Variants in ZNF800 observed in about 807,000 individuals in gnomAD.
The protein encoded by ZNF800 is zinc finger protein 800.
ZNF800 carries 13 observed loss-of-function variants against 59.5 expected under a neutral mutation model. The observed-to-expected ratio is 0.22, with a 90% CI of 0.14 to 0.35. The LOEUF (loss-of-function observed/expected upper bound fraction) is 0.35, where lower values mean the gene tolerates loss of function less well. Ranked by LOEUF, ZNF800 falls within the 10% of genes least tolerant of loss-of-function variation. The pLI, the probability that ZNF800 is intolerant of heterozygous loss-of-function variation, is 1.00. For synonymous variants in ZNF800, 266 were observed against 265.7 expected (o/e 1.00, Z -0.01); for missense variants, 621 against 783.7 (o/e 0.79, Z 2.48).
At chr7:127,352,038 T>C (rs1034730726) in intron 1 of ZNF800, among the ~76,000 whole-genome samples, 1 of 152,144 alleles carries the variant, frequency 6.6e-6, no homozygotes, top group Non-Finnish European at 1.5e-5. Context: ...GTTAAAACAA[T>C]AGCAAGATCA....
At chr7:127,355,460 A>G (rs1291098728) in intron 1 of ZNF800, among the ~76,000 whole-genome samples, 1 of 152,090 alleles carries the variant, frequency 6.6e-6, no homozygotes, top group Non-Finnish European at 1.5e-5. Context: ...CACAAAGGAT[A>G]GAAGTGAAAA....
intron 1 of ZNF800, chr7:127,348,149 C>A (rs915004436): frequency 2.6e-5 from 4 of 152,138 alleles, no homozygotes; most frequent in Middle Eastern, 6.4e-3. Flanking sequence ...GCAAGAGCTG[C>A]AGACCCACGG....
Position 127,371,832 on chromosome 7 carries a change from T to A in ZNF800, c.*-18A>T. The A allele has an allele frequency of 1.3e-6, 1 of 767,636 alleles. No homozygotes were observed. The highest frequency in any genetic ancestry group is 2.4e-6 in the Non-Finnish European group (1 of 412,276). The allele number at this position is 767,636 out of a possible 1,614,324, so 47.6% of individuals were successfully genotyped here. A position where few individuals can be genotyped will look rare whatever the true frequency, so the allele number is the denominator to read the frequency against. On this transcript the variant is annotated intron_variant, in intron 5 of 5. Coordinates refer to ENST00000265827, the MANE Select transcript of ZNF800 (RefSeq NM_176814.5). ...GAAGTTATCTGAGGAGAAATGGGAA[T>A]AAATGAACACTTTTGAGTTTACTAA...
intron 4 of ZNF800, among the ~76,000 whole-genome samples, chr7:127,376,905 A>G (rs915321349): frequency 6.6e-6 from 1 of 151,970 alleles, no homozygotes; most frequent in East Asian, 1.9e-4. Context: ...ACAATATCCA[A>G]TATTTTAATA....
chr7:127,390,197 G>A (rs1411328105), intron 2 of ZNF800, among the ~76,000 whole-genome samples: 2 of 151,984 alleles, frequency 1.3e-5, no homozygotes, highest in Non-Finnish European at 2.9e-5. Flanking sequence ...AGACTAAAAG[G>A]TCAGTGGAAC....
chr7:127,378,649 T>C (rs911367626), intron 3 of ZNF800, among the ~76,000 whole-genome samples: 1 of 152,022 alleles, frequency 6.6e-6, no homozygotes, highest in Non-Finnish European at 1.5e-5. Context: ...TCTGTTTACA[T>C]TTAATCTTTG....
chr7:127,367,239 C>T (rs1204646820), downstream of ZNF800, among the ~76,000 whole-genome samples: 1 of 152,040 alleles, frequency 6.6e-6, no homozygotes, highest in African/African-American at 2.4e-5. Context: ...TTATATCTCC[C>T]ATATTTCCCC....
chr7:127,350,831 T>C (rs1405107389), intron 1 of ZNF800, among the ~76,000 whole-genome samples: 1 of 152,224 alleles, frequency 6.6e-6, no homozygotes, highest in Non-Finnish European at 1.5e-5. Flanking sequence ...AAAACCATGC[T>C]GTGTTGCTGA....
exon 2 of ZNF800, chr7:127,347,363 C>T (rs1489587504): frequency 9.6e-6 from 1 of 104,606 alleles, no homozygotes; most frequent in Non-Finnish European, 1.7e-5. Context: ...TGGCAGATGG[C>T]AATATTTGGG....
At position 127,370,843 on chromosome 7, in the gene ZNF800, T is replaced by A. The variant is rs1800615379; in HGVS notation, c.*971A>T. 6.6e-6 allele frequency: 1 copy of A among 152,500 alleles called. No individual in the cohort carries two copies. Among genetic ancestry groups the A allele is most frequent in the Admixed American group, 6.5e-5 (1 of 15,272 alleles). The allele number at this position is 152,500 out of a possible 1,614,324, so 9.4% of individuals were successfully genotyped here. On this transcript the variant is annotated 3_prime_UTR_variant, in exon 6 of 6. Coordinates refer to ENST00000265827, the MANE Select transcript of ZNF800 (RefSeq NM_176814.5). ...TCTAAATTTTACAGTAGGAATCAAA[T>A]ATTATCTAAAGTGGTCCTTTAAGAT... is the stretch of plus-strand genomic sequence containing the variant.
chr7:127,343,333 A>G (rs1463269516), downstream of ZNF800, among the ~76,000 whole-genome samples: 1 of 151,798 alleles, frequency 6.6e-6, no homozygotes, highest in Non-Finnish European at 1.5e-5. Context: ...AAAGGAAAAA[A>G]GTAACTAAAA....
Position 127,392,361 on chromosome 7 carries a change from G to A in ZNF800, c.-360C>T, listed in dbSNP as rs1587461795. 5.2e-6 allele frequency: 2 copies of A among 382,548 alleles called. No individual in the cohort carries two copies. The highest frequency in any genetic ancestry group is 2.9e-4 in the South Asian group (2 of 6,984). 23.7% of individuals were successfully genotyped at this position (382,548 alleles called of 1,614,324 possible). On this transcript the variant is annotated 5_prime_UTR_variant, in exon 1 of 6. Coordinates refer to ENST00000265827, the MANE Select transcript of ZNF800 (RefSeq NM_176814.5). ...CGCGGGCGGAGGCAGTTGACAGGAG[G>A]AACCGCCCGGCAGCAGCTGCCGCCG...
intron 1 of ZNF800, among the ~76,000 whole-genome samples, chr7:127,355,134 T>C (rs1328960386): frequency 6.6e-6 from 1 of 152,058 alleles, no homozygotes; most frequent in Non-Finnish European, 1.5e-5. Context: ...AAATCACCCA[T>C]ATATCTCCAA....
chr7:127,347,200 A>C (rs1172915330), exon 2 of ZNF800: 1 of 152,436 alleles, frequency 6.6e-6, no homozygotes, highest in African/African-American at 2.4e-5. Flanking sequence ...CTGATTCTGA[A>C]GGGGAGAAAT....
In ZNF800 at chr7:127,377,203, C is replaced by T. The variant is rs1248246061; in HGVS notation, c.284G>A (p.Ser95Asn). ...AAACTTACTGTCATCCATCTGGAGACTTGGTGGGCAGTAGAATTTTTTATG... is the reference window on the plus strand; with the variant it reads ...AAACTTACTGTCATCCATCTGGAGATTTGGTGGGCAGTAGAATTTTTTATG... Reference protein sequence around the residue: ...ITHKKFYCPPSLQMDDNLPDV... With the variant: ...ITHKKFYCPPNLQMDDNLPDV... Residue 95 changes from serine to asparagine, a missense_variant, in exon 4 of 6, where the codon AGT (serine) becomes AAT (asparagine). Around this residue, in one of 7 missense-constraint regions of ZNF800, gnomAD observed 12 missense variants for 34.4 expected, o/e 0.35. Transcript: ENST00000265827. This position sits in a 1 kb window ranked among gnomAD's most constrained non-coding sequence, Gnocchi z 4.7. 1 of 1,611,334 alleles carries T rather than the reference C, an allele frequency of 6.2e-7. No homozygotes were observed. The highest frequency in any genetic ancestry group is 1.7e-5 in the Admixed American group (1 of 59,832).
chr7:127,362,378 C>G (rs1268039438), intron 1 of ZNF800: 2 of 152,054 alleles, frequency 1.3e-5, no homozygotes, highest in African/African-American at 4.8e-5. Flanking sequence ...TCACTCTCAT[C>G]CTTAGGGAAA....
intron 1 of ZNF800, among the ~76,000 whole-genome samples, chr7:127,358,228 G>T (rs1361938): frequency 0.67 from 101,889 of 151,568 alleles, 35,087 homozygotes; most frequent in East Asian, 0.88. Context: ...CTTGAAGAAT[G>T]GTGCCACCCA....
At chr7:127,378,824 C>CTTGAGAGA (rs1056578175) in intron 3 of ZNF800, among the ~76,000 whole-genome samples, 1 of 151,930 alleles carries the variant, frequency 6.6e-6, no homozygotes, top group Non-Finnish European at 1.5e-5. Flanking sequence ...TTTACTAAGT[C>CTTGAGAGA]TTGAGAGATT....
Position 127,371,795 on chromosome 7 carries a change from C to G in ZNF800, c.*19G>C. 1.3e-6 allele frequency: 1 copy of G among 764,794 alleles called. No individual in the cohort carries two copies. Among genetic ancestry groups the G allele is most frequent in the Admixed American group, 1.8e-5 (1 of 56,498 alleles). 47.4% of individuals were successfully genotyped at this position (764,794 alleles called of 1,614,324 possible). A position where few individuals can be genotyped will look rare whatever the true frequency, so the allele number is the denominator to read the frequency against. On this transcript the variant is annotated 3_prime_UTR_variant, in exon 6 of 6. Transcript: ENST00000265827. The stretch of plus-strand genomic sequence containing the variant: ...CACAAAAATGAACTCCAAACCTTTT[C>G]GTACATCACTTGAAGTTATCTGAGG...
Sources: allele counts gnomAD v4.1 joint callset (sites outside exome capture counted in the v4.1 genomes callset), GRCh38; gene constraint gnomAD v4.1.1; regional missense constraint gnomAD v4.1.1; non-coding constraint Gnocchi (gnomAD v3.1); transcripts MANE v1.5; gene names NCBI Gene and HGNC (gene_info 2026-07-23, HGNC 2026-07-21).